TBC1D31: variants seen among roughly 807,000 people sequenced by gnomAD.
The protein encoded by TBC1D31 is TBC1 domain family member 31.
A neutral mutation model predicts 132.9 loss-of-function variants in TBC1D31; 99 were observed. That is an observed-to-expected ratio of 0.74 (90% CI 0.63 to 0.88). The LOEUF (loss-of-function observed/expected upper bound fraction) is 0.88, where lower values mean the gene tolerates loss of function less well. Ranked by LOEUF, TBC1D31 falls within the 40% of genes least tolerant of loss-of-function variation. The pLI, the probability that TBC1D31 is intolerant of heterozygous loss-of-function variation, is 0.00. For synonymous variants in TBC1D31, 385 were observed against 419.4 expected (o/e 0.92, Z 1.00); for missense variants, 1,134 against 1,256.6 (o/e 0.90, Z 1.48).
At chr8:123,109,282 T>C (rs1767412410) in intron 8 of TBC1D31, 35 bp from the exon 9 acceptor site, 2 of 1,447,346 alleles carry the variant, frequency 1.4e-6, no homozygotes, top group Non-Finnish European at 1.9e-6. Flanking sequence ...TTTTAATGAT[T>C]GTGTCATTTA....
rs751436495 is a variant in TBC1D31 at position 123,120,184 on chromosome 8, C to T, written c.1566C>T (p.Leu522=). 1.9e-6 allele frequency: 3 copies of T among 1,598,812 alleles called. No homozygotes were observed. Among genetic ancestry groups the T allele is most frequent in the African/African-American group, 2.7e-5 (2 of 74,488 alleles). ...QLICFEVIAT[L]IINWCQHWFE... Reference sequence around the variant, plus strand: ...TCTGTTTTGAAGTTATTGCTACTCTCATAAGTAAGTAAATACTTGTTAAAG... The same window carrying T: ...TCTGTTTTGAAGTTATTGCTACTCTTATAAGTAAGTAAATACTTGTTAAAG... The change falls in exon 11 of 22, where the codon CTC becomes CTT. Residue 522 remains leucine (L), a synonymous_variant. Coordinates refer to ENST00000287380, the MANE Select transcript of TBC1D31 (RefSeq NM_145647.4).
chr8:123,117,752 CAAAAAAAAAAAAAAAA>C (rs71310657), intron 10 of TBC1D31, among the ~76,000 whole-genome samples: 2 of 89,934 alleles, frequency 2.2e-5, no homozygotes, highest in African/African-American at 4.2e-5. Flanking sequence ...AACTCCGTCT[CAAAAAAAAAAAAAAAA>C]AAAAAAAAAA....
chr8:123,143,934 T>C (rs1821935440), intron 19 of TBC1D31, among the ~76,000 whole-genome samples: 1 of 152,218 alleles, frequency 6.6e-6, no homozygotes, highest in Non-Finnish European at 1.5e-5. Context: ...AAATCCTTCC[T>C]TGTGTCTAGT....
chr8:123,117,414 A>G (rs1352525480), intron 10 of TBC1D31, among the ~76,000 whole-genome samples: 4 of 152,146 alleles, frequency 2.6e-5, no homozygotes, highest in Admixed American at 2.0e-4. Context: ...GTAATTTTGT[A>G]GTAGATAAAC....
rs773006065 is a variant in TBC1D31, at chr8:123,130,316, G to A, written c.2389G>A (p.Asp797Asn). 3 of 1,610,746 alleles carry A rather than the reference G, an allele frequency of 1.9e-6. No homozygotes were observed. The highest frequency in any genetic ancestry group is 2.5e-6 in the Non-Finnish European group (3 of 1,178,472). ...GGAAATGGAACTAAGAAGACTGGATGATGAAATTGGGAGAAAGGTTTATTA... is the reference window on the plus strand; with the variant it reads ...GGAAATGGAACTAAGAAGACTGGATAATGAAATTGGGAGAAAGGTTTATTA... ...QQEMELRRLDDEIGRKVYMRD... is the reference protein window; with the variant it reads ...QQEMELRRLDNEIGRKVYMRD... The change falls in exon 16 of 22, where the codon GAT becomes AAT. Residue 797 changes from aspartate to asparagine, a missense_variant. Asp to Asn is a conservative substitution (Grantham distance 23, BLOSUM62 1). Transcript: ENST00000287380.
At chr8:123,157,463 C>G in the TBC1D31 span, among the ~76,000 whole-genome samples, 1 of 152,302 alleles carries the variant, frequency 6.6e-6, no homozygotes, top group African/African-American at 2.4e-5. Flanking sequence ...TTAACAAACA[C>G]TGTGGCTGGC....
intron 1 of TBC1D31, among the ~76,000 whole-genome samples, chr8:123,076,336 GTA>G (rs1296619488): frequency 2.3e-4 from 21 of 92,890 alleles, no homozygotes; most frequent in Admixed American, 1.5e-3. Flanking sequence ...TTAATTGTGT[GTA>G]TGTGTGTGTG....
At chr8:123,101,777 C>T (rs1275814496) in intron 7 of TBC1D31, among the ~76,000 whole-genome samples, 2 of 152,098 alleles carry the variant, frequency 1.3e-5, no homozygotes, top group African/African-American at 4.8e-5. Flanking sequence ...AATTGCTATC[C>T]TTGTATTGGT....
At chr8:123,147,407 T>C (rs1314419989) in intron 20 of TBC1D31, among the ~76,000 whole-genome samples, 3 of 152,026 alleles carry the variant, frequency 2.0e-5, no homozygotes. Context: ...TCTTGACCCT[T>C]GTGATCCTCC....
downstream of TBC1D31, among the ~76,000 whole-genome samples, chr8:123,152,795 C>T (rs1411882089): frequency 6.6e-6 from 1 of 152,100 alleles, no homozygotes; most frequent in Non-Finnish European, 1.5e-5. Flanking sequence ...CACTTGAACC[C>T]AGGAGGCGGA....
chr8:123,134,706 G>A (rs1247370396), intron 17 of TBC1D31, among the ~76,000 whole-genome samples: 1 of 152,120 alleles, frequency 6.6e-6, no homozygotes, highest in Non-Finnish European at 1.5e-5. Context: ...TTTAATTCAT[G>A]TTTCTGTTAG....
intron 10 of TBC1D31, among the ~76,000 whole-genome samples, chr8:123,116,720 T>C (rs1284875465): frequency 1.3e-5 from 2 of 152,028 alleles, no homozygotes; most frequent in Non-Finnish European, 2.9e-5. Context: ...AAGGAAATGC[T>C]CTGAAAGGAT....
chr8:123,126,236 T>A, intron 12 of TBC1D31, 47 bp downstream of exon 12: 3 of 1,577,218 alleles, frequency 1.9e-6, no homozygotes, highest in Non-Finnish European at 2.6e-6. Context: ...TTTTGTAAGC[T>A]AACATTGGTT....
intron 20 of TBC1D31, among the ~76,000 whole-genome samples, chr8:123,146,303 G>T (rs115158966): frequency 6.6e-6 from 1 of 152,104 alleles, no homozygotes; most frequent in Admixed American, 6.6e-5. Context: ...AATAAACCCA[G>T]TACCCATTAG....
the TBC1D31 span, among the ~76,000 whole-genome samples, chr8:123,160,543 GC>G: frequency 6.6e-6 from 1 of 152,118 alleles, no homozygotes; most frequent in Non-Finnish European, 1.5e-5. Context: ...GGCTGATCCT[GC>G]CTTGGGCCCA....
chr8:123,079,035 T>C (rs1053126797), intron 2 of TBC1D31, among the ~76,000 whole-genome samples: 1 of 152,202 alleles, frequency 6.6e-6, no homozygotes, highest in Non-Finnish European at 1.5e-5. Context: ...TCCCAAGATA[T>C]ATAACCTGAA....
chr8:123,088,858 G>A (rs1816052542), intron 4 of TBC1D31, among the ~76,000 whole-genome samples: 1 of 152,020 alleles, frequency 6.6e-6, no homozygotes, highest in African/African-American at 2.4e-5. Flanking sequence ...CTCAGAAAAT[G>A]CCCCACATTC....
intron 10 of TBC1D31, among the ~76,000 whole-genome samples, chr8:123,111,779 CA>C (rs1563714041): frequency 1.3e-5 from 2 of 151,888 alleles, no homozygotes; most frequent in Admixed American, 6.6e-5. Flanking sequence ...GAAAGCAGTC[CA>C]AAATATCTTT....
chr8:123,163,926 A>G, the TBC1D31 span, among the ~76,000 whole-genome samples: 1 of 152,356 alleles, frequency 6.6e-6, no homozygotes, highest in East Asian at 1.9e-4. Context: ...TCATCACCCC[A>G]GACAGAAACT....
Sources: gnomAD v4.1 joint callset for allele counts (sites outside exome capture counted in the v4.1 genomes callset) on GRCh38, gnomAD v4.1.1 for gene constraint, MANE v1.5 for transcripts, NCBI Gene and HGNC (gene_info 2026-07-23, HGNC 2026-07-21) for gene names.